The following STX3 variants were observed in gnomAD, a reference collection of about 807,000 sequenced individuals.
The protein encoded by STX3 is syntaxin-3.
In STX3, 19 loss-of-function variants were observed where a neutral mutation model predicts 40.2. That is an observed-to-expected ratio of 0.47 (90% CI 0.33 to 0.69). STX3 has a LOEUF of 0.69. Ranked by LOEUF, STX3 falls within the 30% of genes least tolerant of loss-of-function variation. STX3 has a pLI of 0.02. For synonymous variants in STX3, 122 were observed against 132.2 expected (o/e 0.92, Z 0.53); for missense variants, 364 against 366.7 (o/e 0.99, Z 0.06).
intron 2 of STX3, among the ~76,000 whole-genome samples, chr11:59,778,046 G>A (rs142253426): frequency 6.6e-6 from 1 of 152,212 alleles, no homozygotes; most frequent in Non-Finnish European, 1.5e-5. Flanking sequence ...TGGGCTTCTC[G>A]TAGCTGGCCC....
chr11:59,788,895 G>A lies in STX3; in HGVS notation c.237G>A (p.Gln79=), dbSNP rs748087186. The change falls in exon 4 of 11, where the codon CAG becomes CAA. Residue 79 remains glutamine, a synonymous_variant. Transcript: ENST00000337979. ...PEPKTKDDLE[Q]LTTEIKKRAN... is the part of the protein sequence containing the mutation. The stretch of plus-strand genomic sequence containing the variant: ...CAGAAACCAAGGATGACCTAGAGCA[G>A]CTCACGACTGAGATTAAGAAAAGGG... 3.1e-6 allele frequency: 5 copies of A among 1,612,586 alleles called. No homozygotes were observed. The East Asian group carries it at 1.1e-4, about 36-fold the overall frequency.
chr11:59,788,586 T>G lies in STX3; in HGVS notation c.215-287T>G, dbSNP rs146892678. On this transcript the variant is annotated intron_variant, in intron 3 of 10. Coordinates refer to ENST00000337979, the MANE Select transcript of STX3 (RefSeq NM_004177.5). The stretch of plus-strand genomic sequence containing the variant: ...TCCTCTAAAAGCAGAGTTTCCACAA[T>G]TTTATGTGCTGCAGGATTACTCAGG... Among the ~76,000 whole-genome samples, 349 of 152,300 alleles carry G rather than the reference T, an allele frequency of 2.3e-3. 1 individual carries two copies. Among genetic ancestry groups the G allele is most frequent in the Non-Finnish European group, 4.3e-3 (290 of 68,016 alleles).
intron 8 of STX3, among the ~76,000 whole-genome samples, chr11:59,793,999 C>A (rs1865370766): frequency 6.6e-6 from 1 of 152,106 alleles, no homozygotes; most frequent in Non-Finnish European, 1.5e-5. Context: ...CTGATATGGA[C>A]TAGTTCACTG....
intron 3 of STX3, 28 bp downstream of exon 3, chr11:59,787,164 C>T (rs1187023668): frequency 1.3e-6 from 2 of 1,588,752 alleles, no homozygotes; most frequent in Non-Finnish European, 1.7e-6. Flanking sequence ...ACTGAGTCAT[C>T]CAACAATCAC....
chr11:59,771,050 C>A (rs1863594343), intron 1 of STX3, among the ~76,000 whole-genome samples: 1 of 152,036 alleles, frequency 6.6e-6, no homozygotes, highest in Non-Finnish European at 1.5e-5. Flanking sequence ...CACGGTTGAT[C>A]GACTCCCCCA....
At chr11:59,759,602 G>A (rs1230202950) in intron 1 of STX3, among the ~76,000 whole-genome samples, 5 of 152,166 alleles carry the variant, frequency 3.3e-5, no homozygotes, top group East Asian at 3.9e-4. Context: ...CCTTGGAGAC[G>A]GATCTGTAGA....
In STX3 at chr11:59,771,019, G is replaced by C. The variant is rs1863592637; in HGVS notation, c.31-2192G>C. Among the ~76,000 whole-genome samples, 4 of 152,144 alleles carry C rather than the reference G, an allele frequency of 2.6e-5. No individual in the cohort carries two copies. The South Asian group carries it at 8.3e-4, about 31-fold the overall frequency. On this transcript the variant is annotated intron_variant, in intron 1 of 10. Transcript: ENST00000337979. ...CACTTCAGACTCCTTTCACAATTCAGATTCCTCAGGGAGCCTGGGTCACGG... is the reference window on the plus strand; with the variant it reads ...CACTTCAGACTCCTTTCACAATTCACATTCCTCAGGGAGCCTGGGTCACGG...
intron 2 of STX3, among the ~76,000 whole-genome samples, chr11:59,779,053 G>T (rs1864184107): frequency 6.6e-6 from 1 of 152,076 alleles, no homozygotes. Flanking sequence ...GGTCAGGCTG[G>T]TCTGGAACTC....
intron 10 of STX3, among the ~76,000 whole-genome samples, chr11:59,798,023 G>C (rs1865624314): frequency 6.6e-6 from 1 of 152,230 alleles, no homozygotes; most frequent in Admixed American, 6.5e-5. Flanking sequence ...CAGTCAAAGA[G>C]AATGTTGAAT....
chr11:59,759,843 G>A (rs775982440), intron 1 of STX3, among the ~76,000 whole-genome samples: 7 of 152,214 alleles, frequency 4.6e-5, no homozygotes, highest in Non-Finnish European at 8.8e-5. Context: ...GCAACATGGA[G>A]CTGTGTACTT....
rs976812589 is a variant in STX3, at chr11:59,804,538, C to T, written c.*3714C>T. The T allele has an allele frequency of 8.5e-5, 13 of 152,256 alleles. No homozygotes were observed. Among genetic ancestry groups the T allele is most frequent in the African/African-American group, 2.6e-4 (11 of 41,542 alleles). 9.4% of individuals were successfully genotyped at this position (152,256 alleles called of 1,614,324 possible). On this transcript the variant is annotated 3_prime_UTR_variant, in exon 11 of 11. Transcript: ENST00000337979. ...GTTACTGTCAGAGGCTGTGTAAAGCCGCTTGGGAATGGGCTGATCTGCTTA... is the reference window on the plus strand; with the variant it reads ...GTTACTGTCAGAGGCTGTGTAAAGCTGCTTGGGAATGGGCTGATCTGCTTA...
intron 2 of STX3, 98 bp downstream of exon 2, chr11:59,773,392 A>G: frequency 1.6e-6 from 2 of 1,277,236 alleles, no homozygotes; most frequent in Non-Finnish European, 2.2e-6. Flanking sequence ...GTAGCAGAGG[A>G]AGGTCACAGT....
chr11:59,783,115 A>G (rs1363705472), intron 2 of STX3, among the ~76,000 whole-genome samples: 4 of 152,244 alleles, frequency 2.6e-5, no homozygotes, highest in African/African-American at 4.8e-5. Flanking sequence ...TTGGTCAGCA[A>G]TACTTCTTGA....
Position 59,801,242 on chromosome 11 carries a change from A to G in STX3, c.*418A>G. The G allele has an allele frequency of 9.5e-7, 1 of 1,049,230 alleles. No homozygotes were observed. The highest frequency in any genetic ancestry group is 7.5e-5 in the East Asian group (1 of 13,348). 65.0% of individuals were successfully genotyped at this position (1,049,230 alleles called of 1,614,324 possible). A position where few individuals can be genotyped will look rare whatever the true frequency, so the allele number is the denominator to read the frequency against. ...CTGCAATGTATTTTTTTAGGGGAGT[A>G]TCTTTAACAAAGCAGAATGATTCTT... On this transcript the variant is annotated 3_prime_UTR_variant, in exon 11 of 11. Coordinates refer to ENST00000337979, the MANE Select transcript of STX3 (RefSeq NM_004177.5).
At chr11:59,785,405 C>T (rs1331386611) in intron 2 of STX3, among the ~76,000 whole-genome samples, 1 of 152,120 alleles carries the variant, frequency 6.6e-6, no homozygotes, top group East Asian at 1.9e-4. Context: ...GATCATGGCT[C>T]ACTGTGGCTT....
At chr11:59,759,978 T>C (rs1009089664) in intron 1 of STX3, among the ~76,000 whole-genome samples, 1 of 152,202 alleles carries the variant, frequency 6.6e-6, no homozygotes, top group African/African-American at 2.4e-5. Flanking sequence ...CTTTCTCTAG[T>C]CATAAAATTT....
chr11:59,769,263 TGGAGGAGGA>T (rs113337250), intron 1 of STX3, among the ~76,000 whole-genome samples: 3 of 151,576 alleles, frequency 2.0e-5, no homozygotes, highest in African/African-American at 7.3e-5. Context: ...GAACTTCCTG[TGGAGGAGGA>T]GGAGGAGGAG....
intron 2 of STX3, among the ~76,000 whole-genome samples, chr11:59,785,908 G>A (rs7946152): frequency 0.1 from 15,800 of 152,218 alleles, 1,149 homozygotes; most frequent in African/African-American, 0.2. Flanking sequence ...GGCTTCCACT[G>A]CAGCAGGGCT....
intron 2 of STX3, among the ~76,000 whole-genome samples, chr11:59,782,590 C>A (rs564340191): frequency 5.3e-5 from 8 of 152,234 alleles, no homozygotes; most frequent in African/African-American, 1.7e-4. Context: ...CGTTCAAGGT[C>A]ATAAAACTGC....
Sources: gnomAD v4.1 joint callset for allele counts (sites outside exome capture counted in the v4.1 genomes callset) on GRCh38, gnomAD v4.1.1 for gene constraint, MANE v1.5 for transcripts, NCBI Gene and HGNC (gene_info 2026-07-23, HGNC 2026-07-21) for gene names.